CSGALNACT1: variants seen among roughly 807,000 people sequenced by gnomAD.
CSGALNACT1 encodes beta4GalNAcT-1.
Under a neutral mutation model 51.0 loss-of-function variants are expected in CSGALNACT1, and 52 were observed. The ratio of observed to expected loss-of-function variants is 1.02; its 90% CI spans 0.82 to 1.29. The LOEUF (loss-of-function observed/expected upper bound fraction) is 1.29, where lower values mean the gene tolerates loss of function less well. Among genes scored for constraint, CSGALNACT1 ranks in the 50% most tolerant of loss-of-function variants. The pLI is 0.00. For missense variants in CSGALNACT1, 935 were observed against 679.2 expected (o/e 1.38, Z -4.19); for synonymous variants, 341 against 254.4 (o/e 1.34, Z -3.24).
intron 3 of CSGALNACT1, among the ~76,000 whole-genome samples, chr8:19,564,478 G>A (rs1047476871): frequency 6.6e-5 from 10 of 151,884 alleles, no homozygotes; most frequent in African/African-American, 2.4e-4. Context: ...CTAGGTGACA[G>A]GTCCTAACTG....
At chr8:19,691,851 C>T (rs1325360174) in intron 1 of CSGALNACT1, among the ~76,000 whole-genome samples, 1 of 152,182 alleles carries the variant, frequency 6.6e-6, no homozygotes, top group African/African-American at 2.4e-5. Context: ...GTGAGAAATG[C>T]ACATCTCCAG....
intron 4 of CSGALNACT1, among the ~76,000 whole-genome samples, chr8:19,472,524 T>C (rs914846295): frequency 1.3e-5 from 2 of 152,240 alleles, no homozygotes; most frequent in Non-Finnish European, 1.5e-5. Context: ...AGGTAAGCCA[T>C]TTACTCATTT....
At chr8:19,516,792 G>A (rs2079609950) in intron 3 of CSGALNACT1, among the ~76,000 whole-genome samples, 2 of 152,240 alleles carry the variant, frequency 1.3e-5, no homozygotes, top group African/African-American at 2.4e-5. Flanking sequence ...AGGCTTCCAT[G>A]ATGGGAGCCC....
intron 1 of CSGALNACT1, among the ~76,000 whole-genome samples, chr8:19,692,925 A>G (rs536339021): frequency 2.6e-5 from 4 of 152,314 alleles, no homozygotes; most frequent in Admixed American, 2.0e-4. Flanking sequence ...GAAGCCTGGG[A>G]AAATGCAATG....
intron 4 of CSGALNACT1, among the ~76,000 whole-genome samples, chr8:19,465,761 G>C (rs1158262862): frequency 2.6e-5 from 4 of 152,250 alleles, no homozygotes; most frequent in African/African-American, 9.6e-5. Flanking sequence ...CCCTGTCCAG[G>C]CTTACCATTT....
At chr8:19,416,442 G>C in intron 8 of CSGALNACT1, among the ~76,000 whole-genome samples, 1 of 151,990 alleles carries the variant, frequency 6.6e-6, no homozygotes, top group East Asian at 1.9e-4. Context: ...TAAGTTTAGT[G>C]TCACCTAAGT....
upstream of CSGALNACT1, among the ~76,000 whole-genome samples, chr8:19,606,768 T>C (rs2051431184): frequency 6.6e-6 from 1 of 152,190 alleles, no homozygotes; most frequent in South Asian, 2.1e-4. Flanking sequence ...ATAACAAAAT[T>C]ATGCTACTAA....
At chr8:19,648,201 T>G (rs1415648051) in intron 1 of CSGALNACT1, among the ~76,000 whole-genome samples, 1 of 152,204 alleles carries the variant, frequency 6.6e-6, no homozygotes, top group African/African-American at 2.4e-5. Context: ...TTAAGTGTTA[T>G]CTCCCTACCA....
intron 1 of CSGALNACT1, among the ~76,000 whole-genome samples, chr8:19,666,890 A>AAGT (rs1554794653): frequency 1.4e-4 from 19 of 135,886 alleles, no homozygotes; most frequent in African/African-American, 4.6e-4. Flanking sequence ...AGAAAGAGAG[A>AAGT]GAGGAAGTGA....
At chr8:19,680,527 G>T (rs1472076910) in intron 1 of CSGALNACT1, among the ~76,000 whole-genome samples, 1 of 132,942 alleles carries the variant, frequency 7.5e-6, no homozygotes, top group Non-Finnish European at 1.6e-5. Context: ...CTGCACTCCA[G>T]CCTGGGCAAC....
At chr8:19,596,219 GAA>G (rs1288046995) in intron 2 of CSGALNACT1, among the ~76,000 whole-genome samples, 2 of 152,096 alleles carry the variant, frequency 1.3e-5, no homozygotes, top group Non-Finnish European at 2.9e-5. Flanking sequence ...GAAACTGACT[GAA>G]AAGAGAGCTA....
At chr8:19,461,993 A>G (rs2065652588) in intron 4 of CSGALNACT1, among the ~76,000 whole-genome samples, 1 of 152,034 alleles carries the variant, frequency 6.6e-6, no homozygotes, top group Admixed American at 6.5e-5. Context: ...CACAGCAACG[A>G]CATTTGCCAT....
intron 3 of CSGALNACT1, among the ~76,000 whole-genome samples, chr8:19,547,056 T>C (rs1394864412): frequency 2.0e-5 from 3 of 152,214 alleles, no homozygotes; most frequent in African/African-American, 7.2e-5. Flanking sequence ...CAGTAGACTC[T>C]CCTGGGTTTT....
At chr8:19,438,612 G>C (rs533581732) in intron 6 of CSGALNACT1, among the ~76,000 whole-genome samples, 10 of 152,308 alleles carry the variant, frequency 6.6e-5, no homozygotes, top group African/African-American at 9.6e-5. Flanking sequence ...ACAGTAAACA[G>C]TTTAGGCTTT....
At chr8:19,603,293 C>A (rs368374060), upstream of CSGALNACT1, among the ~76,000 whole-genome samples, 2 of 152,162 alleles carry the variant, frequency 1.3e-5, no homozygotes, top group African/African-American at 4.8e-5. Context: ...ACAAAGTCAG[C>A]TGAAGTGTGA....
At chr8:19,737,898 A>C (rs569118923) in intron 1 of CSGALNACT1, among the ~76,000 whole-genome samples, 151 of 152,368 alleles carry the variant, frequency 9.9e-4, no homozygotes, top group Non-Finnish European at 1.9e-3. Context: ...ATGGATAAAC[A>C]CACAGTTAAT....
chr8:19,531,263 G>T (rs573352584), intron 3 of CSGALNACT1, among the ~76,000 whole-genome samples: 2 of 152,130 alleles, frequency 1.3e-5, no homozygotes, highest in Non-Finnish European at 2.9e-5. Flanking sequence ...TTCTTAAAAA[G>T]AATGTAACAT....
intron 4 of CSGALNACT1, among the ~76,000 whole-genome samples, chr8:19,463,916 C>T (rs2066103296): frequency 6.6e-6 from 1 of 152,204 alleles, no homozygotes; most frequent in African/African-American, 2.4e-5. Context: ...ACACAAATGT[C>T]TATTCCTTCA....
chr8:19,513,463 T>TATATATA (rs1563834590), intron 3 of CSGALNACT1, among the ~76,000 whole-genome samples: 24 of 143,496 alleles, frequency 1.7e-4, no homozygotes, highest in East Asian at 4.2e-4. Flanking sequence ...TATATATATA[T>TATATATA]TTTGTGCCAT....
Sources: allele counts gnomAD v4.1 joint callset (sites outside exome capture counted in the v4.1 genomes callset), GRCh38; gene constraint gnomAD v4.1.1; transcripts MANE v1.5; gene names NCBI Gene and HGNC (gene_info 2026-07-23, HGNC 2026-07-21).